Variants in PTK2B observed in about 807,000 individuals in gnomAD.
PTK2B encodes protein-tyrosine kinase 2-beta.
PTK2B carries 71 observed loss-of-function variants against 142.9 expected under a neutral mutation model. The observed-to-expected ratio is 0.50, with a 90% confidence interval of 0.41 to 0.61. The LOEUF is 0.61. PTK2B is among the 20% of genes least tolerant of loss of function. The probability of loss-of-function intolerance (pLI) is 0.00; values close to 1 mark genes in which losing one functional copy is unlikely to be tolerated. For missense variants in PTK2B, 1,105 were observed against 1,320.4 expected (o/e 0.84, Z 2.53); for synonymous variants, 519 against 503.4 (o/e 1.03, Z -0.42).
At chr8:27,451,594 A>G in intron 27 of PTK2B, 85 bp downstream of exon 27, 1 of 1,605,078 alleles carries the variant, frequency 6.2e-7, no homozygotes, top group Non-Finnish European at 8.5e-7. Flanking sequence ...CAGGGCAGGG[A>G]GCAGCGGAGT....
At chr8:27,349,420 A>T in intron 1 of PTK2B, among the ~76,000 whole-genome samples, 1 of 152,210 alleles carries the variant, frequency 6.6e-6, no homozygotes, top group South Asian at 2.1e-4. Context: ...AACCCGTTAA[A>T]TATCCTCTTC....
intron 1 of PTK2B, among the ~76,000 whole-genome samples, chr8:27,329,526 A>G (rs1316259890): frequency 6.6e-6 from 1 of 152,124 alleles, no homozygotes; most frequent in Non-Finnish European, 1.5e-5. Flanking sequence ...CCTGGGACCC[A>G]TATGTCTCAG....
intron 5 of PTK2B, among the ~76,000 whole-genome samples, chr8:27,424,410 TG>T (rs987645690): frequency 6.6e-6 from 1 of 152,206 alleles, no homozygotes; most frequent in Non-Finnish European, 1.5e-5. Context: ...TGCTGATATC[TG>T]CTATAACCAA....
chr8:27,380,323 C>T (rs1415511984), intron 1 of PTK2B, among the ~76,000 whole-genome samples: 2 of 151,954 alleles, frequency 1.3e-5, no homozygotes. Context: ...CTGGGTTTTC[C>T]CTTTGTATTT....
chr8:27,373,755 T>C (rs1265468277), intron 1 of PTK2B, among the ~76,000 whole-genome samples: 1 of 151,948 alleles, frequency 6.6e-6, no homozygotes, highest in Non-Finnish European at 1.5e-5. Context: ...AGTGGTCATA[T>C]GGAGGTCAGG....
chr8:27,317,892 A>G (rs1445193362), intron 3 of PTK2B, among the ~76,000 whole-genome samples: 2 of 152,230 alleles, frequency 1.3e-5, no homozygotes, highest in African/African-American at 4.8e-5. Context: ...TGGCAACTGG[A>G]CACAACACAA....
At chr8:27,404,222 G>A (rs1209376442) in intron 2 of PTK2B, among the ~76,000 whole-genome samples, 1 of 152,084 alleles carries the variant, frequency 6.6e-6, no homozygotes, top group Non-Finnish European at 1.5e-5. Flanking sequence ...TCTCCCTCCA[G>A]CTTCCTCCAG....
At chr8:27,417,421 G>C (rs541439992) in intron 2 of PTK2B, among the ~76,000 whole-genome samples, 1 of 152,202 alleles carries the variant, frequency 6.6e-6, no homozygotes, top group Admixed American at 6.5e-5. Flanking sequence ...AGGTTGACTG[G>C]AGAGGCGGGA....
intron 2 of PTK2B, among the ~76,000 whole-genome samples, chr8:27,401,313 G>C (rs1052896353): frequency 1.3e-5 from 2 of 152,204 alleles, no homozygotes. Context: ...GGCAGAGGGG[G>C]CTTTAAGGAA....
chr8:27,314,395 G>A (rs1312577971), intron 3 of PTK2B, among the ~76,000 whole-genome samples: 2 of 152,196 alleles, frequency 1.3e-5, no homozygotes, highest in African/African-American at 4.8e-5. Flanking sequence ...ACCAGCCTGG[G>A]CAACATAGCA....
intron 21 of PTK2B, among the ~76,000 whole-genome samples, chr8:27,441,460 C>T (rs1421402903): frequency 1.3e-5 from 2 of 152,144 alleles, no homozygotes; most frequent in Non-Finnish European, 2.9e-5. Flanking sequence ...TACTTTAATA[C>T]TGATTTTAAA....
chr8:27,436,745 GAAGA>G lies in PTK2B; in HGVS notation c.1342-368_1342-365del, dbSNP rs146962848. On this transcript the variant is annotated intron_variant, in intron 15 of 30. Coordinates refer to ENST00000346049, the MANE Select transcript of PTK2B (RefSeq NM_173176.3). ...GGTAACGCTTCTAGCAGGCCCAGGG[GAAGA>G]AAGAAAGAGGCAGTAAGAATGAAAA... Among the ~76,000 whole-genome samples the G allele has an allele frequency of 8.9e-3, 1,351 of 152,272 alleles. 24 individuals are homozygous for G. The highest frequency in any genetic ancestry group is 0.031 in the African/African-American group (1,300 of 41,534).
intron 1 of PTK2B, among the ~76,000 whole-genome samples, chr8:27,329,961 TACAGATCAA>T (rs1312921252): frequency 6.6e-6 from 1 of 151,914 alleles, no homozygotes; most frequent in African/African-American, 2.4e-5. Context: ...AAAACCTGAG[TACAGATCAA>T]ACAGAACAGA....
intron 3 of PTK2B, among the ~76,000 whole-genome samples, chr8:27,318,881 C>T (rs1420289177): frequency 6.6e-6 from 1 of 152,088 alleles, no homozygotes; most frequent in Non-Finnish European, 1.5e-5. Context: ...AAACTCCTGA[C>T]CTGAAGTGAT....
At chr8:27,423,892 C>T (rs1165201537) in intron 5 of PTK2B, among the ~76,000 whole-genome samples, 2 of 152,122 alleles carry the variant, frequency 1.3e-5, no homozygotes, top group East Asian at 1.9e-4. Flanking sequence ...AGGGAGCATT[C>T]GAGTCCTCTG....
In PTK2B at chr8:27,420,041, G is replaced by A; in HGVS notation, c.351G>A (p.Lys117=). The A allele has an allele frequency of 1.9e-6, 3 of 1,614,208 alleles. No homozygotes were observed. Among genetic ancestry groups the A allele is most frequent in the Middle Eastern group, 1.7e-4 (1 of 6,060 alleles). The change falls in exon 3 of 31, where the codon AAG becomes AAA. Residue 117 remains lysine, a synonymous_variant. Coordinates refer to ENST00000346049, the MANE Select transcript of PTK2B (RefSeq NM_173176.3). The part of the protein sequence containing the change: ...PQMTVGEVQD[K]YECLHVEAEW... ...TGACGGTGGGTGAGGTGCAGGACAAGTATGAGTGTCTGCACGTGGAAGCCG... is the reference window on the plus strand; with the variant it reads ...TGACGGTGGGTGAGGTGCAGGACAAATATGAGTGTCTGCACGTGGAAGCCG...
chr8:27,395,118 A>G (rs575340013), intron 1 of PTK2B, among the ~76,000 whole-genome samples: 14 of 152,280 alleles, frequency 9.2e-5, no homozygotes, highest in African/African-American at 3.1e-4. Flanking sequence ...GATAAAAATT[A>G]TAGTAGAGGA....
intron 1 of PTK2B, among the ~76,000 whole-genome samples, chr8:27,372,623 T>G (rs1158200395): frequency 6.6e-6 from 1 of 152,138 alleles, no homozygotes; most frequent in Non-Finnish European, 1.5e-5. Context: ...ACCAAATATC[T>G]GGGTACTCCA....
chr8:27,428,628 C>T (rs1310309230), intron 5 of PTK2B, among the ~76,000 whole-genome samples: 1 of 152,136 alleles, frequency 6.6e-6, no homozygotes, highest in African/African-American at 2.4e-5. Context: ...ACTTCCTGTG[C>T]ATTGAAGGAT....
Sources: gnomAD v4.1 joint callset for allele counts (sites outside exome capture counted in the v4.1 genomes callset) on GRCh38, gnomAD v4.1.1 for gene constraint, MANE v1.5 for transcripts, NCBI Gene and HGNC (gene_info 2026-07-23, HGNC 2026-07-21) for gene names.